LRFN1: variants seen among roughly 807,000 people sequenced by gnomAD.
The protein encoded by LRFN1 is leucine-rich repeat and fibronectin type III domain-containing protein 1.
A neutral mutation model predicts 31.8 loss-of-function variants in LRFN1; 20 were observed. The observed-to-expected ratio is 0.63, with a 90% CI of 0.44 to 0.91. The LOEUF (loss-of-function observed/expected upper bound fraction) is 0.91. LRFN1 is among the 40% of genes least tolerant of loss of function. The pLI, the probability that LRFN1 is intolerant of heterozygous loss-of-function variation, is 0.00. For synonymous variants in LRFN1, 514 were observed against 541.3 expected, an observed-to-expected ratio of 0.95 and a Z score of 0.70; for missense variants, 912 against 1,129.8, an observed-to-expected ratio of 0.81 and a Z score of 2.76.
intron 4 of LRFN1, among the ~76,000 whole-genome samples, chr19:39,313,152 A>G (rs1369931488): frequency 6.6e-6 from 1 of 152,118 alleles, no homozygotes; most frequent in Admixed American, 6.6e-5. Context: ...GAAATAACAT[A>G]TTTTTCTCAT....
At position 39,320,804 on chromosome 19, in the gene LRFN1, G is replaced by T. The variant is rs1317856264; in HGVS notation, c.-137C>A. On this transcript the variant is annotated 5_prime_UTR_variant, in exon 1 of 5. Coordinates refer to ENST00000248668, the MANE Select transcript of LRFN1 (RefSeq NM_020862.2). ...CAGGCCGCGCTCACCCAGCCCGGGG[G>T]GGCCCCGGGCCCGGCCCCGCCGCCG... 1.4e-5 allele frequency: 2 copies of T among 146,896 alleles called. No homozygotes were observed. Among genetic ancestry groups the T allele is most frequent in the African/African-American group, 4.9e-5 (2 of 40,690 alleles). 9.1% of individuals were successfully genotyped at this position (146,896 alleles called of 1,614,324 possible). A position where few individuals can be genotyped will look rare whatever the true frequency, so the allele number is the denominator to read the frequency against.
chr19:39,312,924 G>A (rs1052188192), intron 4 of LRFN1, among the ~76,000 whole-genome samples: 1 of 152,128 alleles, frequency 6.6e-6, no homozygotes, highest in Non-Finnish European at 1.5e-5. Flanking sequence ...CTGAGGACAG[G>A]GTCTGGGTGG....
chr19:39,307,780 G>A lies in LRFN1; in HGVS notation c.2169C>T (p.Ala723=). 6.0e-6 allele frequency: 9 copies of A among 1,488,708 alleles called. No individual in the cohort carries two copies. The highest frequency in any genetic ancestry group is 8.0e-6 in the Non-Finnish European group (9 of 1,127,414). 92.2% of individuals were successfully genotyped at this position (1,488,708 alleles called of 1,614,324 possible). ...TGGACCGGTGGCGCTTTGTCCGCCG[G>A]GCGCGGCGCGGGTAACTGTGGCTCT... ...LFQSHSYPRR[A]RRTKRHRSTP... The change falls in exon 5 of 5, where the codon GCC becomes GCT. Residue 723 remains alanine, a synonymous_variant. Coordinates refer to ENST00000248668, the MANE Select transcript of LRFN1 (RefSeq NM_020862.2). This position sits in a 1 kb window ranked among gnomAD's most constrained non-coding sequence, Gnocchi z 6.7.
In LRFN1 at chr19:39,313,938, C is replaced by G. The variant is rs767647492; in HGVS notation, c.1399G>C (p.Val467Leu). ...QYNSSVDDSLVYRMIPSTSQT... is the reference protein window; with the variant it reads ...QYNSSVDDSLLYRMIPSTSQT... ...TGCAGCACCCGCACCCACCTGTAGA[C>G]GAGGGAGTCATCAACGGAACTGTTG... The change falls in exon 4 of 5, where the codon GTC becomes CTC. Residue 467 changes from valine (V) to leucine (L), a missense_variant. By Grantham distance (32) the Val-to-Leu change is conservative. This residue lies in a region of LRFN1 where 511 missense variants were observed against 557.0 expected (regional missense o/e 0.92). Coordinates refer to ENST00000248668, the MANE Select transcript of LRFN1 (RefSeq NM_020862.2). 1.9e-6 allele frequency: 3 copies of G among 1,587,742 alleles called. No homozygotes were observed. Among genetic ancestry groups the G allele is most frequent in the Non-Finnish European group, 8.6e-7 (1 of 1,166,136 alleles).
chr19:39,312,461 C>CAAGT (rs1461064151), intron 4 of LRFN1, among the ~76,000 whole-genome samples: 1 of 152,106 alleles, frequency 6.6e-6, no homozygotes, highest in Non-Finnish European at 1.5e-5. Flanking sequence ...TACCATTTAT[C>CAAGT]AAGTGCCTAC....
rs1403153983 is a variant in LRFN1 at position 39,318,359 on chromosome 19, C to G, written c.-125-1G>C. Reference sequence around the variant, plus strand: ...AGGGAGTCAGGGCCTGGGCCAGCACCTGCAAAGGAACAGAACCACCTTGTT... The same window carrying G: ...AGGGAGTCAGGGCCTGGGCCAGCACGTGCAAAGGAACAGAACCACCTTGTT... On this transcript the variant is annotated splice_acceptor_variant, in intron 1 of 4. Coordinates refer to ENST00000248668, the MANE Select transcript of LRFN1 (RefSeq NM_020862.2). LOFTEE classifies it low-confidence loss of function (5UTR_SPLICE). 1 of 152,598 alleles carries G rather than the reference C, an allele frequency of 6.6e-6. No homozygotes were observed. Among genetic ancestry groups the G allele is most frequent in the African/African-American group, 2.4e-5 (1 of 41,454 alleles). The allele number at this position is 152,598 out of a possible 1,614,324, so 9.5% of individuals were successfully genotyped here.
intron 4 of LRFN1, 40 bp downstream of exon 4, chr19:39,313,891 G>T (rs561494025): frequency 3.2e-6 from 5 of 1,545,906 alleles, no homozygotes; most frequent in Non-Finnish European, 4.4e-6. Context: ...GTCCCCCTGG[G>T]CTTGGGAGGA....
intron 2 of LRFN1, among the ~76,000 whole-genome samples, chr19:39,317,515 T>C (rs766083703): frequency 2.0e-5 from 3 of 152,110 alleles, no homozygotes; most frequent in Non-Finnish European, 4.4e-5. Context: ...CTCCGACAGC[T>C]GGGGTAGGAC....
At position 39,308,542 on chromosome 19, in the gene LRFN1, C is replaced by A; in HGVS notation, c.1407G>T (p.Arg469Ser). 1 of 1,585,948 alleles carries A rather than the reference C, an allele frequency of 6.3e-7. No homozygotes were observed. Among genetic ancestry groups the A allele is most frequent in the Non-Finnish European group, 8.5e-7 (1 of 1,172,766 alleles). ...NSSVDDSLVYRMIPSTSQTFL... is the reference protein window; with the variant it reads ...NSSVDDSLVYSMIPSTSQTFL... ...AGGTCTGACTGGTGGACGGGATCAT[C>A]CTGTAGGAGGGGGCGGGTTCAGGGC... The change falls in exon 5 of 5, where the codon AGG (arginine) becomes AGT (serine). Residue 469 changes from arginine (R) to serine (S), a missense_variant and splice_region_variant. Coordinates refer to ENST00000248668, the MANE Select transcript of LRFN1 (RefSeq NM_020862.2). This position sits in a 1 kb window ranked among gnomAD's most constrained non-coding sequence, Gnocchi z 6.2.
At chr19:39,309,873 C>T (rs1438538319) in intron 4 of LRFN1, among the ~76,000 whole-genome samples, 1 of 152,170 alleles carries the variant, frequency 6.6e-6, no homozygotes, top group South Asian at 2.1e-4. Context: ...GTTAAGATGA[C>T]AAAGGCTGGG....
Position 39,307,716 on chromosome 19 carries a change from C to T in LRFN1, c.2233G>A (p.Glu745Lys), listed in dbSNP as rs1429003173. ...LDGAGGGAAG[E>K]DGDLGLGSAR... ...GAGCCCAGCCCCAGGTCTCCATCCT[C>T]CCCGGCCGCGCCCCCTCCAGCCCCG... Residue 745 changes from glutamate (E) to lysine (K), a missense_variant, in exon 5 of 5, where the codon GAG (glutamate) becomes AAG (lysine). Around this residue, in one of 2 missense-constraint regions of LRFN1, gnomAD observed 511 missense variants for 557.0 expected, o/e 0.92. Transcript: ENST00000248668. This position sits in a 1 kb window ranked among gnomAD's most constrained non-coding sequence, Gnocchi z 6.7. The T allele has an allele frequency of 6.6e-7, 1 of 1,506,196 alleles. No homozygotes were observed. Among genetic ancestry groups the T allele is most frequent in the African/African-American group, 1.5e-5 (1 of 68,776 alleles). The allele number at this position is 1,506,196 out of a possible 1,614,324, so 93.3% of individuals were successfully genotyped here. A position where few individuals can be genotyped will look rare whatever the true frequency, so the allele number is the denominator to read the frequency against.
Position 39,308,436 on chromosome 19 carries a change from G to A in LRFN1, c.1513C>T (p.Pro505Ser). ...ACACAGCCCACCACTCGCGTTGCCGGCAGCGCTGTGGCCCCGTCGTCGTAG... is the reference window on the plus strand; with the variant it reads ...ACACAGCCCACCACTCGCGTTGCCGACAGCGCTGTGGCCCCGTCGTCGTAG... ...AVYDDGATALPATRVVGCVQF... is the reference protein window; with the variant it reads ...AVYDDGATALSATRVVGCVQF... The change falls in exon 5 of 5, where the codon CCG becomes TCG. Residue 505 changes from proline to serine, a missense_variant. Around this residue, in one of 2 missense-constraint regions of LRFN1, gnomAD observed 511 missense variants for 557.0 expected, o/e 0.92. Transcript: ENST00000248668. The surrounding 1 kb of genome is among the most constrained non-coding windows in gnomAD (Gnocchi z 6.2). The A allele has an allele frequency of 6.2e-7, 1 of 1,610,934 alleles. No homozygotes were observed. The highest frequency in any genetic ancestry group is 8.5e-7 in the Non-Finnish European group (1 of 1,179,552).
intron 4 of LRFN1, among the ~76,000 whole-genome samples, chr19:39,312,634 C>T (rs985005542): frequency 2.0e-5 from 3 of 151,922 alleles, no homozygotes; most frequent in Non-Finnish European, 4.4e-5. Context: ...AAGACCTCAT[C>T]TCTACTAAAA....
intron 4 of LRFN1, among the ~76,000 whole-genome samples, chr19:39,309,901 T>G (rs1262881737): frequency 1.3e-5 from 2 of 152,212 alleles, no homozygotes; most frequent in Non-Finnish European, 2.9e-5. Flanking sequence ...TTGCCCGGGT[T>G]TGAGTCTCTC....
intron 2 of LRFN1, among the ~76,000 whole-genome samples, chr19:39,317,150 A>G (rs1036425539): frequency 4.6e-5 from 7 of 152,156 alleles, no homozygotes; most frequent in Non-Finnish European, 8.8e-5. Flanking sequence ...CAGAAAACTG[A>G]GAGTGAAGAA....
chr19:39,320,662 T>C (rs251914), intron 1 of LRFN1, 131 bp downstream of exon 1: 37,748 of 150,562 alleles, frequency 0.25, 9,057 homozygotes, highest in African/African-American at 0.64. Flanking sequence ...CGGGCACACA[T>C]AGGGCCGCGC....
Position 39,314,068 on chromosome 19 carries a change from C to A in LRFN1, c.1269G>T (p.Ala423=). 1 of 1,612,456 alleles carries A rather than the reference C, an allele frequency of 6.2e-7. No individual in the cohort carries two copies. Among genetic ancestry groups the A allele is most frequent in the Non-Finnish European group, 8.5e-7 (1 of 1,179,708 alleles). Residue 423 remains alanine, a synonymous_variant, in exon 4 of 5, where the codon GCG becomes GCT. Coordinates refer to ENST00000248668, the MANE Select transcript of LRFN1 (RefSeq NM_020862.2). ...TPGRPGANDS[A]AERRLVAAEL... The stretch of plus-strand genomic sequence containing the variant: ...CGGCTGCCACGAGCCGACGCTCAGC[C>A]GCAGAATCGTTGGCACCTGGTCTGC...
At chr19:39,309,639 G>C (rs1025322714) in intron 4 of LRFN1, among the ~76,000 whole-genome samples, 1 of 151,976 alleles carries the variant, frequency 6.6e-6, no homozygotes, top group African/African-American at 2.4e-5. Context: ...GCCCACTAAG[G>C]ATGGTTCCCC....
chr19:39,313,323 G>C (rs1352747216), intron 4 of LRFN1, among the ~76,000 whole-genome samples: 1 of 152,146 alleles, frequency 6.6e-6, no homozygotes, highest in Non-Finnish European at 1.5e-5. Flanking sequence ...TTGAGGTCAG[G>C]AGTTCAAGAC....
Sources: allele counts gnomAD v4.1 joint callset (sites outside exome capture counted in the v4.1 genomes callset), GRCh38; gene constraint gnomAD v4.1.1; regional missense constraint gnomAD v4.1.1; non-coding constraint Gnocchi (gnomAD v3.1); transcripts MANE v1.5; gene names NCBI Gene and HGNC (gene_info 2026-07-23, HGNC 2026-07-21).